Variants in C8orf89 observed in about 807,000 individuals in gnomAD.
C8orf89 encodes putative uncharacterized protein C8orf89.
C8orf89 carries 14 observed loss-of-function variants against 15.8 expected under a neutral mutation model. That is an observed-to-expected ratio of 0.89 (90% CI 0.59 to 1.39). The LOEUF (loss-of-function observed/expected upper bound fraction) is 1.39. C8orf89 is among the 40% of genes most tolerant of loss of function. The probability of loss-of-function intolerance (pLI) is 0.00; values close to 1 mark genes in which losing one functional copy is unlikely to be tolerated. For synonymous variants in C8orf89, 55 were observed against 62.2 expected (o/e 0.88, Z 0.54); for missense variants, 181 against 184.5 (o/e 0.98, Z 0.11).
chr8:73,283,218 AG>A, the C8orf89 span, among the ~76,000 whole-genome samples: 7 of 152,226 alleles, frequency 4.6e-5, no homozygotes, highest in Non-Finnish European at 7.3e-5. Context: ...CCAGCATCAT[AG>A]GAAGCATTGG....
At chr8:73,278,870 C>A in the C8orf89 span, among the ~76,000 whole-genome samples, 1 of 152,088 alleles carries the variant, frequency 6.6e-6, no homozygotes, top group Admixed American at 6.5e-5. Flanking sequence ...TCCATAACTC[C>A]CCCTATTTTC....
chr8:73,241,535 T>C lies in C8orf89; in HGVS notation c.408A>G (p.Ile136Met). The C allele has an allele frequency of 2.0e-6, 3 of 1,533,966 alleles. No homozygotes were observed. Among genetic ancestry groups the C allele is most frequent in the Non-Finnish European group, 2.6e-6 (3 of 1,145,482 alleles). Residue 136 changes from isoleucine (I) to methionine (M), a missense_variant, in exon 4 of 4, where the codon ATA (isoleucine) becomes ATG (methionine). Coordinates refer to ENST00000624510, the MANE Select transcript of C8orf89 (RefSeq NM_001243237.3). ...CCTGACGAATGGTATCATATTCCAA[T>C]ATGGCTATTTTGGAAAGTCTCTCTA... is the stretch of plus-strand genomic sequence containing the variant. ...QYLERLSKIA[I>M]LEYDTIRQET...
chr8:73,274,441 G>A, the C8orf89 span, among the ~76,000 whole-genome samples: 62 of 152,176 alleles, frequency 4.1e-4, no homozygotes, highest in African/African-American at 1.3e-3. Flanking sequence ...GTGAGCCACC[G>A]CACCTGGCCA....
At chr8:73,274,461 T>C in the C8orf89 span, among the ~76,000 whole-genome samples, 2 of 152,160 alleles carry the variant, frequency 1.3e-5, no homozygotes, top group Non-Finnish European at 2.9e-5. Flanking sequence ...ATTTCATCTT[T>C]TTTAGGTTAT....
the C8orf89 span, among the ~76,000 whole-genome samples, chr8:73,283,289 G>A: frequency 9.9e-5 from 15 of 152,168 alleles, no homozygotes; most frequent in African/African-American, 3.6e-4. Flanking sequence ...TACTGTAACA[G>A]CAAATACACA....
the C8orf89 span, among the ~76,000 whole-genome samples, chr8:73,267,382 C>A: frequency 6.6e-6 from 1 of 151,994 alleles, no homozygotes; most frequent in South Asian, 2.1e-4. Flanking sequence ...ATAACTGAAA[C>A]CAGAAACTGA....
At chr8:73,264,370 C>T (rs1470598511), upstream of C8orf89, among the ~76,000 whole-genome samples, 4 of 152,164 alleles carry the variant, frequency 2.6e-5, no homozygotes, top group African/African-American at 7.2e-5. Context: ...GTTACAAATA[C>T]ATTTTAGTGA....
intron 3 of C8orf89, among the ~76,000 whole-genome samples, chr8:73,249,248 C>A (rs1033937691): frequency 6.6e-5 from 10 of 152,158 alleles, no homozygotes; most frequent in African/African-American, 2.4e-4. Context: ...GTTGAACCAA[C>A]CTTGCACTGC....
the C8orf89 span, among the ~76,000 whole-genome samples, chr8:73,265,073 C>A: frequency 1.4e-4 from 21 of 151,340 alleles, no homozygotes; most frequent in African/African-American, 4.6e-4. Flanking sequence ...ATTGCAAACA[C>A]TTCTTGAGGA....
chr8:73,260,093 A>C (rs2066160634), upstream of C8orf89, among the ~76,000 whole-genome samples: 1 of 152,228 alleles, frequency 6.6e-6, no homozygotes, highest in Non-Finnish European at 1.5e-5. Context: ...AGCCAGATTC[A>C]GCTATGCTTA....
the C8orf89 span, among the ~76,000 whole-genome samples, chr8:73,276,587 A>G: frequency 6.6e-6 from 1 of 152,110 alleles, no homozygotes; most frequent in Non-Finnish European, 1.5e-5. Flanking sequence ...TTTATAATTT[A>G]CCTTTGTCAA....
At position 73,250,265 on chromosome 8, in the gene C8orf89, T is replaced by C. The variant is rs957356026; in HGVS notation, c.337+3A>G. 6.5e-7 allele frequency: 1 copy of C among 1,530,544 alleles called. No homozygotes were observed. Among genetic ancestry groups the C allele is most frequent in the African/African-American group, 1.4e-5 (1 of 72,966 alleles). 94.8% of individuals were successfully genotyped at this position (1,530,544 alleles called of 1,614,324 possible). A position where few individuals can be genotyped will look rare whatever the true frequency, so the allele number is the denominator to read the frequency against. ...TAGTAGAAAAAAGGACGAGTCAGCT[T>C]ACCTTTTGATTTCTCCCAAAGTGGT... On this transcript the variant is annotated splice_donor_region_variant and intron_variant, in intron 3 of 3. Coordinates refer to ENST00000624510, the MANE Select transcript of C8orf89 (RefSeq NM_001243237.3).
At chr8:73,265,502 G>T in the C8orf89 span, among the ~76,000 whole-genome samples, 1 of 152,198 alleles carries the variant, frequency 6.6e-6, no homozygotes, top group Non-Finnish European at 1.5e-5. Context: ...AGGCTTTAAG[G>T]AGATGACCCC....
Position 73,257,108 on chromosome 8 carries a change from C to G in C8orf89, c.146G>C (p.Gly49Ala). ...KIKKEYTTAFGLEELKECIKM... is the reference protein window; with the variant it reads ...KIKKEYTTAFALEELKECIKM... The stretch of plus-strand genomic sequence containing the variant: ...GATACATTCCTTGAGCTCTTCTAGA[C>G]CAAATGCTGTGGTATATTCTGGTTA... Residue 49 changes from glycine (G) to alanine (A), a missense_variant, in exon 2 of 4, where the codon GGT becomes GCT. Physicochemically the swap from Gly to Ala is moderately conservative, Grantham distance 60. Transcript: ENST00000624510. The G allele has an allele frequency of 6.5e-7, 1 of 1,533,344 alleles. No individual in the cohort carries two copies. The highest frequency in any genetic ancestry group is 8.7e-7 in the Non-Finnish European group (1 of 1,145,330). The allele number at this position is 1,533,344 out of a possible 1,614,324, so 95.0% of individuals were successfully genotyped here. A position where few individuals can be genotyped will look rare whatever the true frequency, so the allele number is the denominator to read the frequency against.
chr8:73,243,184 G>A (rs1456778006), intron 3 of C8orf89, among the ~76,000 whole-genome samples: 1 of 152,146 alleles, frequency 6.6e-6, no homozygotes, highest in Non-Finnish European at 1.5e-5. Flanking sequence ...AGATGCGGGG[G>A]AAGTGGGGAT....
chr8:73,273,077 G>A, the C8orf89 span, among the ~76,000 whole-genome samples: 2 of 152,240 alleles, frequency 1.3e-5, no homozygotes. Context: ...ACTTCTGATG[G>A]CAGCGGCAAC....
At chr8:73,277,013 C>G in the C8orf89 span, among the ~76,000 whole-genome samples, 1 of 151,546 alleles carries the variant, frequency 6.6e-6, no homozygotes, top group African/African-American at 2.4e-5. Context: ...TGTCATGTAA[C>G]CCAGGCTTGT....
At chr8:73,255,040 T>C (rs1234773406) in intron 2 of C8orf89, among the ~76,000 whole-genome samples, 1 of 151,996 alleles carries the variant, frequency 6.6e-6, no homozygotes, top group Admixed American at 6.6e-5. Context: ...GGCAATACCA[T>C]TCAGGACATA....
chr8:73,246,602 C>T (rs891669029), intron 3 of C8orf89, among the ~76,000 whole-genome samples: 1 of 152,194 alleles, frequency 6.6e-6, no homozygotes, highest in East Asian at 1.9e-4. Context: ...TGGTCTCAAA[C>T]TCCTGACCTC....
Sources: gnomAD v4.1 joint callset for allele counts (sites outside exome capture counted in the v4.1 genomes callset) on GRCh38, gnomAD v4.1.1 for gene constraint, MANE v1.5 for transcripts, NCBI Gene and HGNC (gene_info 2026-07-23, HGNC 2026-07-21) for gene names.